The following TMEM132D variants were observed in gnomAD, a reference collection of about 807,000 sequenced individuals.
TMEM132D encodes mature OL transmembrane protein.
A neutral mutation model predicts 62.3 loss-of-function variants in TMEM132D; 21 were observed. That is an observed-to-expected ratio of 0.34 (90% CI 0.24 to 0.49). The LOEUF (loss-of-function observed/expected upper bound fraction) is 0.49, where lower values mean the gene tolerates loss of function less well. Among genes scored for constraint, TMEM132D ranks in the 20% least tolerant of loss-of-function variants. The pLI is 0.99. For missense variants in TMEM132D, 1,346 were observed against 1,402.8 expected (o/e 0.96, Z 0.65); for synonymous variants, 621 against 575.6 (o/e 1.08, Z -1.13).
intron 2 of TMEM132D, among the ~76,000 whole-genome samples, chr12:129,542,515 A>G (rs980722464): frequency 3.3e-5 from 5 of 152,184 alleles, no homozygotes; most frequent in African/African-American, 4.8e-5. Flanking sequence ...ATAAATATTC[A>G]AATGGCATGA....
chr12:129,675,674 G>T (rs1880610581), intron 2 of TMEM132D, among the ~76,000 whole-genome samples: 2 of 152,158 alleles, frequency 1.3e-5, no homozygotes, highest in South Asian at 4.1e-4. Context: ...GGGACAGTTG[G>T]TAATGTCTGG....
intron 3 of TMEM132D, among the ~76,000 whole-genome samples, chr12:129,343,603 C>T (rs765869499): frequency 1.1e-4 from 16 of 152,126 alleles, no homozygotes; most frequent in Non-Finnish European, 2.4e-4. Context: ...AAAGACATCC[C>T]TAATTTTGTT....
At chr12:129,665,019 T>C (rs1705103) in intron 2 of TMEM132D, among the ~76,000 whole-genome samples, 115,344 of 151,996 alleles carry the variant, frequency 0.76, 44,175 homozygotes, top group East Asian at 0.85. Flanking sequence ...GTCTCCAGAG[T>C]CTACACGCTT....
chr12:129,281,580 TACATC>T (rs980284427), intron 4 of TMEM132D, among the ~76,000 whole-genome samples: 56 of 152,276 alleles, frequency 3.7e-4, no homozygotes, highest in African/African-American at 1.3e-3. Flanking sequence ...ATGGTTAATC[TACATC>T]ATAAACTCAT....
intron 2 of TMEM132D, among the ~76,000 whole-genome samples, chr12:129,628,857 C>T (rs1879285457): frequency 6.6e-6 from 1 of 152,122 alleles, no homozygotes; most frequent in Non-Finnish European, 1.5e-5. Flanking sequence ...CTATCCTCAT[C>T]AGTTTCCTGT....
At chr12:129,213,383 A>C (rs1879109269) in intron 4 of TMEM132D, among the ~76,000 whole-genome samples, 1 of 152,090 alleles carries the variant, frequency 6.6e-6, no homozygotes, top group Admixed American at 6.6e-5. Context: ...TGTAGTCCCA[A>C]CTACTTGAAT....
At chr12:129,396,009 T>C (rs1324105676) in intron 3 of TMEM132D, among the ~76,000 whole-genome samples, 1 of 147,406 alleles carries the variant, frequency 6.8e-6, no homozygotes, top group Non-Finnish European at 1.5e-5. Flanking sequence ...TAATATACAG[T>C]ATATAAGATA....
chr12:129,230,851 A>G (rs1374993634), intron 4 of TMEM132D, among the ~76,000 whole-genome samples: 3 of 152,202 alleles, frequency 2.0e-5, no homozygotes, highest in Non-Finnish European at 4.4e-5. Context: ...TAGTTGCTCA[A>G]TCTGAAACCT....
intron 4 of TMEM132D, among the ~76,000 whole-genome samples, chr12:129,304,331 T>C (rs1881792608): frequency 6.6e-6 from 1 of 151,798 alleles, no homozygotes; most frequent in South Asian, 2.1e-4. Context: ...GCCTGAACAA[T>C]CCCATATCCT....
At chr12:129,363,294 G>C (rs2135675614) in intron 3 of TMEM132D, among the ~76,000 whole-genome samples, 1 of 152,286 alleles carries the variant, frequency 6.6e-6, no homozygotes, top group Admixed American at 6.5e-5. Context: ...AATTGCATGT[G>C]GCCTCTGAAG....
chr12:129,570,002 C>G (rs1877467491), intron 2 of TMEM132D, among the ~76,000 whole-genome samples: 1 of 152,102 alleles, frequency 6.6e-6, no homozygotes, highest in African/African-American at 2.4e-5. Context: ...TTCTTCAATT[C>G]TACGGGAAGA....
At chr12:129,813,925 A>G (rs1238838931) in intron 1 of TMEM132D, among the ~76,000 whole-genome samples, 2 of 152,334 alleles carry the variant, frequency 1.3e-5, no homozygotes, top group East Asian at 1.9e-4. Flanking sequence ...AGACAGAAAG[A>G]TTCCATTTTA....
intron 3 of TMEM132D, among the ~76,000 whole-genome samples, chr12:129,387,157 A>G (rs1871128504): frequency 6.6e-6 from 1 of 152,088 alleles, no homozygotes; most frequent in Non-Finnish European, 1.5e-5. Context: ...CACCAACACC[A>G]GTGGTATGTG....
At chr12:129,720,206 C>G (rs1176824385) in intron 1 of TMEM132D, among the ~76,000 whole-genome samples, 1 of 152,154 alleles carries the variant, frequency 6.6e-6, no homozygotes, top group Non-Finnish European at 1.5e-5. Flanking sequence ...AAATAAAATA[C>G]TGGAGTGACA....
chr12:129,185,773 G>GTCTGTCTGTCTGTCTGTCTGTCTA lies in TMEM132D; in HGVS notation c.1443+23746_1443+23747insTAGACAGACAGACAGACAGACAGA, dbSNP rs796145548. Among the ~76,000 whole-genome samples the GTCTGTCTGTCTGTCTGTCTGTCTA allele has an allele frequency of 3.5e-3, 479 of 135,988 alleles. 1 individual carries two copies. Among genetic ancestry groups the GTCTGTCTGTCTGTCTGTCTGTCTA allele is most frequent in the Middle Eastern group, 0.014 (4 of 278 alleles). The allele number at this position is 135,988 out of a possible 152,430, so 89.2% of individuals were successfully genotyped here. A position where few individuals can be genotyped will look rare whatever the true frequency, so the allele number is the denominator to read the frequency against. On this transcript the variant is annotated intron_variant, in intron 5 of 8. Coordinates refer to ENST00000422113, the MANE Select transcript of TMEM132D (RefSeq NM_133448.3). ...TCTTTTATCCATCATCTGTCTGTCTGTCTATCTATCTATCTATCTATCTAT... is the reference window on the plus strand; with the variant it reads ...TCTTTTATCCATCATCTGTCTGTCTGTCTGTCTGTCTGTCTGTCTGTCTATCTATCTATCTATCTATCTATCTAT...
intron 3 of TMEM132D, among the ~76,000 whole-genome samples, chr12:129,437,406 T>TA (rs1185864280): frequency 6.6e-6 from 1 of 152,172 alleles, no homozygotes; most frequent in Non-Finnish European, 1.5e-5. Flanking sequence ...GTATTTGGGG[T>TA]ATAACAGCCT....
intron 4 of TMEM132D, among the ~76,000 whole-genome samples, chr12:129,265,733 T>C (rs905903601): frequency 6.6e-6 from 1 of 152,144 alleles, no homozygotes; most frequent in South Asian, 2.1e-4. Context: ...TGTAGTGCTC[T>C]TTCCCCAGAA....
intron 4 of TMEM132D, among the ~76,000 whole-genome samples, chr12:129,307,257 C>G (rs2135632131): frequency 6.6e-6 from 1 of 152,144 alleles, no homozygotes; most frequent in East Asian, 1.9e-4. Context: ...AGAGTATAAT[C>G]CAACCAAGTG....
chr12:129,268,572 G>T (rs899068863), intron 4 of TMEM132D, among the ~76,000 whole-genome samples: 15 of 152,160 alleles, frequency 9.9e-5, no homozygotes, highest in Non-Finnish European at 1.6e-4. Context: ...TAGGAACACT[G>T]TTACACTGTT....
Sources: gnomAD v4.1 joint callset for allele counts (sites outside exome capture counted in the v4.1 genomes callset) on GRCh38, gnomAD v4.1.1 for gene constraint, MANE v1.5 for transcripts, NCBI Gene and HGNC (gene_info 2026-07-23, HGNC 2026-07-21) for gene names.